PRKN: variants seen among roughly 807,000 people sequenced by gnomAD.
PRKN encodes parkin RBR E3 ubiquitin protein ligase, also known as E3 ubiquitin-protein ligase parkin.
Under a neutral mutation model 59.5 loss-of-function variants are expected in PRKN, and 56 were observed. The ratio of observed to expected loss-of-function variants is 0.94; its 90% CI spans 0.76 to 1.18. The LOEUF is 1.18. Among genes scored for constraint, PRKN ranks in the 50% most tolerant of loss-of-function variants. The probability of loss-of-function intolerance (pLI) is 0.00; values close to 1 mark genes in which losing one functional copy is unlikely to be tolerated. For missense variants in PRKN, 657 were observed against 596.4 expected, an observed-to-expected ratio of 1.10 and a Z score of -1.06; for synonymous variants, 250 against 222.1, an observed-to-expected ratio of 1.13 and a Z score of -1.12.
chr6:161,360,120 C>T lies in PRKN; in HGVS notation c.1253G>A (p.Cys418Tyr), dbSNP rs1338515311. 2.5e-6 allele frequency: 4 copies of T among 1,613,964 alleles called. No homozygotes were observed. The highest frequency in any genetic ancestry group is 1.3e-5 in the African/African-American group (1 of 74,928). The change falls in exon 11 of 12, where the codon TGT becomes TAT. Residue 418 changes from cysteine to tyrosine, a missense_variant. Transcript: ENST00000366898. This position sits in a 1 kb window ranked among gnomAD's most constrained non-coding sequence, Gnocchi z 5.1. ...TTCCACTGGTACATGGCAGCGGGGACAGGGCTTGGTGGTTTTCTTGATGGT... is the reference window on the plus strand; with the variant it reads ...TTCCACTGGTACATGGCAGCGGGGATAGGGCTTGGTGGTTTTCTTGATGGT... ...KETIKKTTKP[C>Y]PRCHVPVEKN...
At chr6:162,054,700 T>A (rs1248980723) in intron 4 of PRKN, among the ~76,000 whole-genome samples, 2 of 152,190 alleles carry the variant, frequency 1.3e-5, no homozygotes, top group Non-Finnish European at 2.9e-5. Context: ...CGCAGCAAGC[T>A]TCCCTAGGCA....
intron 7 of PRKN, among the ~76,000 whole-genome samples, chr6:161,722,477 A>G (rs1787266328): frequency 6.6e-6 from 1 of 152,192 alleles, no homozygotes; most frequent in South Asian, 2.1e-4. Flanking sequence ...CACAGCTATA[A>G]GCAACGCTCT....
intron 2 of PRKN, among the ~76,000 whole-genome samples, chr6:162,297,457 A>G (rs1170618868): frequency 2.0e-5 from 3 of 152,162 alleles, no homozygotes; most frequent in Admixed American, 2.0e-4. Context: ...GCACAATTCT[A>G]CAAGATTGGA....
chr6:162,657,407 A>G (rs1198796135), intron 1 of PRKN, among the ~76,000 whole-genome samples: 1 of 152,132 alleles, frequency 6.6e-6, no homozygotes, highest in African/African-American at 2.4e-5. Context: ...AACTTCCTTA[A>G]AATCAAAGTT....
At position 161,448,507 on chromosome 6, in the gene PRKN, G is replaced by A. The variant is rs913003893; in HGVS notation, c.1084-61630C>T. On this transcript the variant is annotated intron_variant, in intron 9 of 11. Transcript: ENST00000366898. This position sits in a 1 kb window ranked among gnomAD's most constrained non-coding sequence, Gnocchi z 5.1. The stretch of plus-strand genomic sequence containing the variant: ...TTGCTTCAAATTTGTAAAAAGCAAA[G>A]GTTACAGACATAAAGATCTTGCGAT... 1.3e-5 allele frequency among the ~76,000 whole-genome samples: 2 copies of A among 152,174 alleles called. No individual in the cohort carries two copies. Among genetic ancestry groups the A allele is most frequent in the Non-Finnish European group, 2.9e-5 (2 of 68,024 alleles).
chr6:161,422,632 T>A (rs2115031056), intron 9 of PRKN, among the ~76,000 whole-genome samples: 1 of 152,030 alleles, frequency 6.6e-6, no homozygotes, highest in Non-Finnish European at 1.5e-5. Context: ...CCCCTTTCTC[T>A]GCTGAAAGAA....
At chr6:161,703,924 C>G (rs1786374548) in intron 7 of PRKN, among the ~76,000 whole-genome samples, 1 of 142,934 alleles carries the variant, frequency 7.0e-6, no homozygotes, top group Non-Finnish European at 1.5e-5. Flanking sequence ...GGCACAATCT[C>G]AGCTCACTGC....
intron 1 of PRKN, among the ~76,000 whole-genome samples, chr6:162,673,474 T>A (rs897515396): frequency 6.6e-6 from 1 of 152,142 alleles, no homozygotes; most frequent in Non-Finnish European, 1.5e-5. Context: ...CAACCTCCAC[T>A]TCCTGGGCTC....
intron 7 of PRKN, among the ~76,000 whole-genome samples, chr6:161,649,885 C>T (rs1256838405): frequency 6.6e-6 from 1 of 152,176 alleles, no homozygotes; most frequent in Non-Finnish European, 1.5e-5. Context: ...ACTTTGAAGG[C>T]TAAGGTCATA....
intron 9 of PRKN, among the ~76,000 whole-genome samples, chr6:161,522,790 G>A (rs886405853): frequency 2.0e-5 from 3 of 152,214 alleles, no homozygotes; most frequent in African/African-American, 7.2e-5. Context: ...GTAGTGAACG[G>A]AGGTCCTGTG....
At chr6:162,612,049 T>C (rs191388264) in intron 1 of PRKN, among the ~76,000 whole-genome samples, 5,378 of 148,566 alleles carry the variant, frequency 0.036, 293 homozygotes, top group African/African-American at 0.12. Flanking sequence ...AAAAATTAGC[T>C]GGGCGTGGTG....
rs1462950979 is a variant in PRKN at position 161,458,021 on chromosome 6, C to T, written c.1084-71144G>A. 1.3e-5 allele frequency among the ~76,000 whole-genome samples: 2 copies of T among 152,154 alleles called. No individual in the cohort carries two copies. Among genetic ancestry groups the T allele is most frequent in the Non-Finnish European group, 2.9e-5 (2 of 68,042 alleles). ...ACCGCCTTCTGATTTACTTGGGCTG[C>T]TCAAAACTCTGGAAAGAAAAATAGA... On this transcript the variant is annotated intron_variant, in intron 9 of 11. Coordinates refer to ENST00000366898, the MANE Select transcript of PRKN (RefSeq NM_004562.3). This position sits in a 1 kb window ranked among gnomAD's most constrained non-coding sequence, Gnocchi z 6.1.
In PRKN at chr6:161,660,071, C is replaced by T. The variant is rs186264339; in HGVS notation, c.872-90655G>A. 3.3e-5 allele frequency among the ~76,000 whole-genome samples: 5 copies of T among 151,780 alleles called. No individual in the cohort carries two copies. In the East Asian group the frequency reaches 8.0e-4, roughly 24 times the overall value. ...TCAAAAAGCATTGTGACTGCTGTTG[C>T]TACTACTACTACTACTACAACTATT... On this transcript the variant is annotated intron_variant, in intron 7 of 11. Coordinates refer to ENST00000366898, the MANE Select transcript of PRKN (RefSeq NM_004562.3).
intron 6 of PRKN, among the ~76,000 whole-genome samples, chr6:161,851,001 C>G (rs760723071): frequency 6.6e-5 from 10 of 152,172 alleles, no homozygotes; most frequent in Admixed American, 1.3e-4. Flanking sequence ...TCTTCCAATG[C>G]CCCAGTACTT....
At position 162,551,770 on chromosome 6, in the gene PRKN, T is replaced by C. The variant is rs971288755; in HGVS notation, c.8-108297A>G. Among the ~76,000 whole-genome samples the C allele has an allele frequency of 3.1e-4, 47 of 152,306 alleles. 1 individual carries two copies. Among genetic ancestry groups the C allele is most frequent in the Admixed American group, 2.7e-3 (41 of 15,302 alleles). ...AAGAAACAGACCATTTCTTCTCTTGTCCTCCACAATCCTTGAATATTTCAT... is the reference window on the plus strand; with the variant it reads ...AAGAAACAGACCATTTCTTCTCTTGCCCTCCACAATCCTTGAATATTTCAT... On this transcript the variant is annotated intron_variant, in intron 1 of 11. Coordinates refer to ENST00000366898, the MANE Select transcript of PRKN (RefSeq NM_004562.3).
At chr6:162,562,866 G>C (rs1034779716) in intron 1 of PRKN, among the ~76,000 whole-genome samples, 3 of 152,190 alleles carry the variant, frequency 2.0e-5, no homozygotes, top group African/African-American at 7.2e-5. Flanking sequence ...GGTTACAGCA[G>C]GACTTGGGTG....
chr6:161,995,066 A>T (rs1781791642), intron 5 of PRKN, among the ~76,000 whole-genome samples: 1 of 152,204 alleles, frequency 6.6e-6, no homozygotes, highest in South Asian at 2.1e-4. Flanking sequence ...TAACCAAAAC[A>T]GTAGGGTACT....
chr6:162,386,284 T>C lies in PRKN; in HGVS notation c.171+57026A>G, dbSNP rs188461969. On this transcript the variant is annotated intron_variant, in intron 2 of 11. Coordinates refer to ENST00000366898, the MANE Select transcript of PRKN (RefSeq NM_004562.3). ...AAATTTAACCGTGCCACAGTGTCTG[T>C]CTACTTCAAAACAGCACGTGGTATA... is the stretch of plus-strand genomic sequence containing the variant. Among the ~76,000 whole-genome samples, 201 of 152,340 alleles carry C rather than the reference T, an allele frequency of 1.3e-3. 1 individual carries two copies. The highest frequency in any genetic ancestry group is 4.7e-3 in the African/African-American group (195 of 41,584).
chr6:162,678,503 T>C lies in PRKN; in HGVS notation c.7+49159A>G, dbSNP rs1385751616. 3.3e-5 allele frequency among the ~76,000 whole-genome samples: 5 copies of C among 152,198 alleles called. No homozygotes were observed. The East Asian group carries it at 9.6e-4, about 29-fold the overall frequency. ...TTTCAGAATTCTAATAGGTGTATAA[T>C]AGCATTTCATTGTGGCTTCAACTTA... is the stretch of plus-strand genomic sequence containing the variant. On this transcript the variant is annotated intron_variant, in intron 1 of 11. Transcript: ENST00000366898.
Sources: gnomAD v4.1 joint callset for allele counts (sites outside exome capture counted in the v4.1 genomes callset) on GRCh38, gnomAD v4.1.1 for gene constraint, Gnocchi (gnomAD v3.1) non-coding constraint, MANE v1.5 for transcripts, NCBI Gene and HGNC (gene_info 2026-07-23, HGNC 2026-07-21) for gene names.